The following NXN variants were observed in gnomAD, a reference collection of about 807,000 sequenced individuals.
NXN encodes nucleoredoxin, also known as nucleoredoxin 1.
Under a neutral mutation model 48.6 loss-of-function variants are expected in NXN, and 16 were observed. The observed-to-expected ratio is 0.33, with a 90% CI of 0.22 to 0.50. NXN has a LOEUF of 0.50. Among genes scored for constraint, NXN ranks in the 20% least tolerant of loss-of-function variants. NXN has a pLI of 0.98. For missense variants in NXN, 492 were observed against 605.5 expected (o/e 0.81, Z 1.97); for synonymous variants, 281 against 269.6 (o/e 1.04, Z -0.41).
At chr17:893,965 C>CT (rs763691126) in intron 1 of NXN, among the ~76,000 whole-genome samples, 436 of 100,540 alleles carry the variant, frequency 4.3e-3, no homozygotes, top group Middle Eastern at 0.023. Flanking sequence ...AGCATCTCAA[C>CT]CCCCGGAAGC....
chr17:923,075 C>A (rs1294666743), intron 1 of NXN, among the ~76,000 whole-genome samples: 1 of 152,124 alleles, frequency 6.6e-6, no homozygotes, highest in Non-Finnish European at 1.5e-5. Flanking sequence ...TTCTCCCGGA[C>A]TCTGTCTCCT....
At chr17:965,402 C>T (rs1422878433) in intron 1 of NXN, among the ~76,000 whole-genome samples, 1 of 152,192 alleles carries the variant, frequency 6.6e-6, no homozygotes, top group Non-Finnish European at 1.5e-5. Flanking sequence ...CTGTTAGAAG[C>T]AAGCATGCAT....
At chr17:938,877 T>C (rs1435335371) in intron 1 of NXN, among the ~76,000 whole-genome samples, 1 of 151,936 alleles carries the variant, frequency 6.6e-6, no homozygotes, top group South Asian at 2.1e-4. Context: ...CTGGCCAACA[T>C]GGCAAAACCC....
intron 1 of NXN, among the ~76,000 whole-genome samples, chr17:903,978 G>C (rs1369516601): frequency 1.3e-5 from 2 of 152,208 alleles, no homozygotes; most frequent in Non-Finnish European, 2.9e-5. Context: ...TGTGGACAAG[G>C]AGGAGTTAAG....
chr17:822,491 C>T (rs562195405), intron 3 of NXN, 34 bp from the exon 4 acceptor site: 60 of 1,505,666 alleles, frequency 4.0e-5, no homozygotes, highest in Middle Eastern at 3.5e-4. Context: ...CGCTGCGTCA[C>T]GCTGCTTCTC....
intron 1 of NXN, among the ~76,000 whole-genome samples, chr17:858,381 G>C (rs981396567): frequency 6.6e-6 from 1 of 152,092 alleles, no homozygotes; most frequent in Non-Finnish European, 1.5e-5. Context: ...TAATATAGCT[G>C]GTATTGACAT....
intron 7 of NXN, 72 bp from the exon 8 acceptor site, chr17:801,203 T>G: frequency 1.4e-5 from 17 of 1,244,744 alleles, no homozygotes; most frequent in East Asian, 2.9e-5. Context: ...CTGGGCCCAG[T>G]CTCCCCAGGT....
chr17:841,638 ACCCTGACCACAGCGCATCTCACGC>A (rs1914305620), intron 1 of NXN, among the ~76,000 whole-genome samples: 1 of 21,482 alleles, frequency 4.7e-5, no homozygotes, highest in Non-Finnish European at 9.0e-5. Context: ...AAGCAGGTCC[ACCCTGACCACAGCGCATCTCACGC>A]CGGCGAGCAG....
intron 1 of NXN, chr17:864,214 C>G (rs1045087538): frequency 7.4e-7 from 1 of 1,345,716 alleles, no homozygotes; most frequent in Non-Finnish European, 1.0e-6. Flanking sequence ...ACAGGATGGG[C>G]ATTCATGGTA....
At chr17:835,303 G>A (rs1261587787) in intron 1 of NXN, among the ~76,000 whole-genome samples, 1 of 134,880 alleles carries the variant, frequency 7.4e-6, no homozygotes, top group Non-Finnish European at 1.6e-5. Context: ...CCGAGACTCT[G>A]TTTCAAAAAA....
chr17:808,450 A>G (rs924410017), intron 5 of NXN, among the ~76,000 whole-genome samples: 2 of 151,194 alleles, frequency 1.3e-5, no homozygotes, highest in Non-Finnish European at 2.9e-5. Flanking sequence ...TTACAGGTAC[A>G]CACCACCACA....
intron 5 of NXN, among the ~76,000 whole-genome samples, chr17:814,859 A>T (rs1912380109): frequency 6.6e-6 from 1 of 151,518 alleles, no homozygotes; most frequent in Non-Finnish European, 1.5e-5. Context: ...TCCGCCTCCC[A>T]GGTTCAAGTG....
intron 1 of NXN, among the ~76,000 whole-genome samples, chr17:960,802 T>TTTTTTTTTTTG (rs2069227613): frequency 6.7e-6 from 1 of 149,744 alleles, no homozygotes; most frequent in African/African-American, 2.5e-5. Context: ...TTTTTTTTTT[T>TTTTTTTTTTTG]TGAGATGGTG....
At chr17:888,401 T>G (rs1025753753) in intron 1 of NXN, among the ~76,000 whole-genome samples, 1 of 151,956 alleles carries the variant, frequency 6.6e-6, no homozygotes, top group Non-Finnish European at 1.5e-5. Flanking sequence ...AAAATCATTC[T>G]GTAGAGATGG....
intron 7 of NXN, among the ~76,000 whole-genome samples, chr17:802,366 C>G (rs940909249): frequency 6.6e-6 from 1 of 152,182 alleles, no homozygotes; most frequent in African/African-American, 2.4e-5. Flanking sequence ...AGCAGCCCCT[C>G]GTCCACTCTG....
At chr17:822,264 A>C in intron 4 of NXN, 93 bp downstream of exon 4, 1 of 877,210 alleles carries the variant, frequency 1.1e-6, no homozygotes, top group African/African-American at 1.7e-5. Context: ...GGGAGACAAG[A>C]GCAAGACTCT....
intron 1 of NXN, among the ~76,000 whole-genome samples, chr17:880,282 C>T (rs1045775016): frequency 9.9e-5 from 15 of 151,972 alleles, no homozygotes; most frequent in Admixed American, 3.9e-4. Flanking sequence ...GTGAGGGAGG[C>T]GTCTCTTTAT....
chr17:807,020 G>A (rs57850320), intron 5 of NXN, among the ~76,000 whole-genome samples: 3,898 of 152,276 alleles, frequency 0.026, 172 homozygotes, highest in African/African-American at 0.088. Context: ...GACAGTGCCC[G>A]AGGAGCTGTG....
At chr17:909,261 T>C (rs2068611223) in intron 1 of NXN, among the ~76,000 whole-genome samples, 1 of 152,130 alleles carries the variant, frequency 6.6e-6, no homozygotes, top group Non-Finnish European at 1.5e-5. Context: ...TCATAAAACA[T>C]TGCAAAATCT....
Sources: gnomAD v4.1 joint callset for allele counts (sites outside exome capture counted in the v4.1 genomes callset) on GRCh38, gnomAD v4.1.1 for gene constraint, MANE v1.5 for transcripts, NCBI Gene and HGNC (gene_info 2026-07-23, HGNC 2026-07-21) for gene names.